Variants in SPIRE1 observed in about 807,000 individuals in gnomAD.
The protein encoded by SPIRE1 is protein spire homolog 1.
A neutral mutation model predicts 94.1 loss-of-function variants in SPIRE1; 40 were observed. That is an observed-to-expected ratio of 0.43 (90% confidence interval 0.33 to 0.55). The LOEUF (loss-of-function observed/expected upper bound fraction) is 0.55. Among genes scored for constraint, SPIRE1 ranks in the 20% least tolerant of loss-of-function variants. SPIRE1 has a pLI of 0.06. For missense variants in SPIRE1, 838 were observed against 975.2 expected, an observed-to-expected ratio of 0.86 and a Z score of 1.87; for synonymous variants, 376 against 371.7, an observed-to-expected ratio of 1.01 and a Z score of -0.13.
At chr18:12,569,803 G>T (rs1346035382) in intron 2 of SPIRE1, among the ~76,000 whole-genome samples, 1 of 152,112 alleles carries the variant, frequency 6.6e-6, no homozygotes, top group African/African-American at 2.4e-5. Context: ...AAATGAACAT[G>T]AATTACAGTG....
intron 11 of SPIRE1, 97 bp from the exon 12 acceptor site, chr18:12,463,590 A>C (rs1259296332): frequency 2.0e-6 from 2 of 986,174 alleles, no homozygotes; most frequent in Admixed American, 4.8e-5. Flanking sequence ...AAGATGAATT[A>C]TTTATTTCAT....
intron 4 of SPIRE1, among the ~76,000 whole-genome samples, chr18:12,530,890 A>G (rs575362117): frequency 2.6e-5 from 4 of 152,340 alleles, no homozygotes; most frequent in Admixed American, 1.3e-4. Context: ...ACAGTGTATT[A>G]CTGGAGAATT....
intron 3 of SPIRE1, among the ~76,000 whole-genome samples, chr18:12,539,575 AT>A (rs2034949575): frequency 6.8e-6 from 1 of 148,068 alleles, no homozygotes; most frequent in Non-Finnish European, 1.5e-5. Context: ...AAACATACAC[AT>A]ACACACACAC....
rs2031405225 is a variant in SPIRE1 at position 12,454,418 on chromosome 18, C to T, written c.1704G>A (p.Gln568=). Residue 568 remains glutamine, a synonymous_variant, in exon 13 of 17, where the codon CAG becomes CAA. Coordinates refer to ENST00000409402, the MANE Select transcript of SPIRE1 (RefSeq NM_001128626.2). ...LTVEEVMHIR[Q]VLVKAELEKY... is the part of the protein sequence containing the mutation. The stretch of plus-strand genomic sequence containing the variant: ...TTTCCAGCTCTGCCTTCACCAGGAC[C>T]TGGCGAATATGCATCACTTCTTCCA... The T allele has an allele frequency of 6.2e-7, 1 of 1,614,148 alleles. No homozygotes were observed. Among genetic ancestry groups the T allele is most frequent in the Non-Finnish European group, 8.5e-7 (1 of 1,180,000 alleles).
chr18:12,630,305 A>C (rs1233169784), intron 2 of SPIRE1, among the ~76,000 whole-genome samples: 1 of 152,118 alleles, frequency 6.6e-6, no homozygotes, highest in Non-Finnish European at 1.5e-5. Flanking sequence ...ACACTTCCCA[A>C]CCAGGAATGA....
Position 12,461,178 on chromosome 18 carries a change from T to G in SPIRE1, c.1638+2173A>C, listed in dbSNP as rs114385303. Among the ~76,000 whole-genome samples, 795 of 152,322 alleles carry G rather than the reference T, an allele frequency of 5.2e-3. 5 individuals are homozygous for G. The highest frequency in any genetic ancestry group is 0.018 in the African/African-American group (753 of 41,568). ...GGGCCCTTGGGGTCAGCTGAAGGTCTCAGCATAACTTCTATTATAAGCTGA... is the reference window on the plus strand; with the variant it reads ...GGGCCCTTGGGGTCAGCTGAAGGTCGCAGCATAACTTCTATTATAAGCTGA... On this transcript the variant is annotated intron_variant, in intron 12 of 16. Transcript: ENST00000409402.
intron 4 of SPIRE1, among the ~76,000 whole-genome samples, chr18:12,520,994 C>T (rs1176039904): frequency 6.6e-6 from 1 of 152,146 alleles, no homozygotes; most frequent in Non-Finnish European, 1.5e-5. Flanking sequence ...GATTTGGCTA[C>T]TGGCTTGATA....
At chr18:12,613,287 C>A (rs12959015) in intron 2 of SPIRE1, among the ~76,000 whole-genome samples, 54,056 of 152,088 alleles carry the variant, frequency 0.36, 10,887 homozygotes, top group East Asian at 0.59. Flanking sequence ...CTGTGTCCAC[C>A]TGGAATCTAC....
At chr18:12,468,675 GC>G (rs1271108972) in intron 10 of SPIRE1, among the ~76,000 whole-genome samples, 5 of 152,178 alleles carry the variant, frequency 3.3e-5, no homozygotes, top group Non-Finnish European at 5.9e-5. Flanking sequence ...GCATAACTCA[GC>G]ATTTCTCAGA....
chr18:12,601,795 G>A (rs1230241784), intron 2 of SPIRE1, among the ~76,000 whole-genome samples: 1 of 152,136 alleles, frequency 6.6e-6, no homozygotes, highest in Non-Finnish European at 1.5e-5. Flanking sequence ...GGCTATATCA[G>A]TATTTTGTTC....
intron 1 of SPIRE1, among the ~76,000 whole-genome samples, chr18:12,642,078 C>G (rs555620532): frequency 6.6e-4 from 100 of 152,240 alleles, no homozygotes; most frequent in Middle Eastern, 3.4e-3. Context: ...GATCCGCCCG[C>G]CTCAGCGTGA....
chr18:12,493,868 G>A (rs1238227044), intron 7 of SPIRE1, among the ~76,000 whole-genome samples: 1 of 151,882 alleles, frequency 6.6e-6, no homozygotes, highest in Non-Finnish European at 1.5e-5. Flanking sequence ...TGCAATGCAG[G>A]TTATTACTAC....
chr18:12,518,637 TGCATCACTGCATGAGATTACCCCA>T (rs1443410044), intron 4 of SPIRE1, among the ~76,000 whole-genome samples: 1 of 151,952 alleles, frequency 6.6e-6, no homozygotes, highest in African/African-American at 2.4e-5. Context: ...GAGCTGAGAT[TGCATCACTGCATGAGATTACCCCA>T]GCATAGGTGA....
chr18:12,450,038 A>G lies in SPIRE1; in HGVS notation c.2013-142T>C, dbSNP rs1036298790. 114 of 924,770 alleles carry G rather than the reference A, an allele frequency of 1.2e-4. 1 individual carries two copies. Among genetic ancestry groups the G allele is most frequent in the Non-Finnish European group, 1.7e-4 (108 of 635,684 alleles). The allele number at this position is 924,770 out of a possible 1,614,324, so 57.3% of individuals were successfully genotyped here. On this transcript the variant is annotated intron_variant, in intron 16 of 16. Transcript: ENST00000409402. ...TGATTTAATCATATGTCCTTCTAAAAAAATTTCTTATTGGTGACAAGGCTA... is the reference window on the plus strand; with the variant it reads ...TGATTTAATCATATGTCCTTCTAAAGAAATTTCTTATTGGTGACAAGGCTA...
intron 6 of SPIRE1, among the ~76,000 whole-genome samples, chr18:12,496,864 G>A (rs371079828): frequency 1.3e-5 from 2 of 151,570 alleles, no homozygotes; most frequent in South Asian, 2.1e-4. Flanking sequence ...GCAAGACTCC[G>A]TCTCAAAAAA....
rs74521952 is a variant in SPIRE1 at position 12,528,941 on chromosome 18, T to C, written c.729+6535A>G. On this transcript the variant is annotated intron_variant, in intron 4 of 16. Transcript: ENST00000409402. ...ATTACACTGGGATATAACAGTGAAT[T>C]AGAGAGAAAAGGTCTCTGCCCTCAA... 8.8e-3 allele frequency among the ~76,000 whole-genome samples: 1,337 copies of C among 152,244 alleles called. 28 individuals are homozygous for C. Among genetic ancestry groups the C allele is most frequent in the African/African-American group, 0.031 (1,291 of 41,530 alleles).
At chr18:12,576,394 C>T (rs1045515111) in intron 2 of SPIRE1, among the ~76,000 whole-genome samples, 4 of 151,314 alleles carry the variant, frequency 2.6e-5, no homozygotes, top group Non-Finnish European at 5.9e-5. Context: ...CCAGCCTGGC[C>T]GACATAGCGA....
intron 16 of SPIRE1, among the ~76,000 whole-genome samples, chr18:12,451,270 T>C (rs2031223868): frequency 6.6e-6 from 1 of 152,124 alleles, no homozygotes; most frequent in African/African-American, 2.4e-5. Flanking sequence ...TCATCATTTA[T>C]GTATTTATCA....
Position 12,644,723 on chromosome 18 carries a change from T to G in SPIRE1, c.338-9627A>C, listed in dbSNP as rs138168326. ...CAACCTCAAGAATCATTTTATAGAC[T>G]TCCAAACATATATTTAATATTGTTT... On this transcript the variant is annotated intron_variant, in intron 1 of 16. Transcript: ENST00000409402. Among the ~76,000 whole-genome samples, 171 of 152,336 alleles carry G rather than the reference T, an allele frequency of 1.1e-3. 1 individual carries two copies. The highest frequency in any genetic ancestry group is 7.1e-3 in the East Asian group (37 of 5,186).
Sources: gnomAD v4.1 joint callset for allele counts (sites outside exome capture counted in the v4.1 genomes callset) on GRCh38, gnomAD v4.1.1 for gene constraint, MANE v1.5 for transcripts, NCBI Gene and HGNC (gene_info 2026-07-23, HGNC 2026-07-21) for gene names.